TAFA2: variants seen among roughly 807,000 people sequenced by gnomAD.
TAFA2 encodes the protein chemokine-like protein TAFA-2.
Under a neutral mutation model 18.8 loss-of-function variants are expected in TAFA2, and 7 were observed. The ratio of observed to expected loss-of-function variants is 0.37; its 90% CI spans 0.21 to 0.70. TAFA2 has a LOEUF of 0.70. Among genes scored for constraint, TAFA2 ranks in the 30% least tolerant of loss-of-function variants. The pLI, the probability that TAFA2 is intolerant of heterozygous loss-of-function variation, is 0.53. For missense variants in TAFA2, 122 were observed against 158.1 expected, an observed-to-expected ratio of 0.77 and a Z score of 1.23; for synonymous variants, 60 against 54.2, an observed-to-expected ratio of 1.11 and a Z score of -0.47.
At chr12:62,110,414 A>T (rs905361524) in intron 1 of TAFA2, among the ~76,000 whole-genome samples, 15 of 152,108 alleles carry the variant, frequency 9.9e-5, no homozygotes, top group Non-Finnish European at 1.8e-4. Flanking sequence ...CTTGATGTTC[A>T]TCAGGGATAT....
At chr12:61,851,928 C>T (rs549228539) in intron 2 of TAFA2, among the ~76,000 whole-genome samples, 114 of 151,118 alleles carry the variant, frequency 7.5e-4, no homozygotes, top group Middle Eastern at 3.5e-3. Context: ...AAAAGACAAG[C>T]CGGGCACGGT....
chr12:62,101,269 T>C (rs1869188652), intron 1 of TAFA2, among the ~76,000 whole-genome samples: 1 of 152,154 alleles, frequency 6.6e-6, no homozygotes, highest in African/African-American at 2.4e-5. Flanking sequence ...ACATGACTAA[T>C]GGATTTAACC....
chr12:62,123,445 C>A (rs1870302294), intron 1 of TAFA2, among the ~76,000 whole-genome samples: 1 of 150,886 alleles, frequency 6.6e-6, no homozygotes, highest in Non-Finnish European at 1.5e-5. Context: ...ATATAAAAAT[C>A]ACAAGAAATG....
At chr12:62,219,196 A>T (rs1241343118) in intron 1 of TAFA2, among the ~76,000 whole-genome samples, 1 of 152,152 alleles carries the variant, frequency 6.6e-6, no homozygotes, top group Non-Finnish European at 1.5e-5. Context: ...AAAAAAACTT[A>T]GGTTAACATA....
chr12:62,023,358 T>C (rs1171342636), intron 1 of TAFA2, among the ~76,000 whole-genome samples: 1 of 152,196 alleles, frequency 6.6e-6, no homozygotes, highest in Non-Finnish European at 1.5e-5. Flanking sequence ...TTTATACATC[T>C]AAATATTTTT....
intron 1 of TAFA2, among the ~76,000 whole-genome samples, chr12:62,032,193 A>C (rs981207293): frequency 1.3e-5 from 2 of 152,198 alleles, no homozygotes; most frequent in Non-Finnish European, 2.9e-5. Context: ...AATTTTAACA[A>C]TAACATAATG....
upstream of TAFA2, chr12:62,259,449 G>T (rs1171104615): frequency 6.6e-6 from 1 of 152,200 alleles, no homozygotes; most frequent in Admixed American, 6.5e-5. Flanking sequence ...TGTATAGCAT[G>T]TGGGCTCTTG....
At chr12:62,108,831 G>A (rs1311928262) in intron 1 of TAFA2, among the ~76,000 whole-genome samples, 1 of 151,958 alleles carries the variant, frequency 6.6e-6, no homozygotes, top group Non-Finnish European at 1.5e-5. Context: ...TTTTGAAGGA[G>A]TTGTTTTTTT....
chr12:62,175,548 T>C (rs1407300610), intron 1 of TAFA2, among the ~76,000 whole-genome samples: 4 of 152,192 alleles, frequency 2.6e-5, no homozygotes, highest in Non-Finnish European at 5.9e-5. Context: ...TGTATAGCTA[T>C]AATAAGCTCC....
chr12:61,748,698 C>A (rs920623397), intron 4 of TAFA2, among the ~76,000 whole-genome samples: 5 of 152,032 alleles, frequency 3.3e-5, no homozygotes, highest in African/African-American at 1.2e-4. Flanking sequence ...GATGCTATTT[C>A]TTTTCTTCCT....
chr12:61,947,993 G>C (rs1393265740), intron 1 of TAFA2, among the ~76,000 whole-genome samples: 1 of 152,064 alleles, frequency 6.6e-6, no homozygotes, highest in African/African-American at 2.4e-5. Context: ...CAAACATCTG[G>C]AAAGAAGCCA....
intron 1 of TAFA2, among the ~76,000 whole-genome samples, chr12:61,988,764 C>A (rs1318620584): frequency 2.0e-5 from 3 of 152,170 alleles, no homozygotes; most frequent in Non-Finnish European, 4.4e-5. Flanking sequence ...CCCCTGCAAA[C>A]ATACTTCAGC....
At chr12:61,904,343 A>T (rs931817880) in intron 1 of TAFA2, among the ~76,000 whole-genome samples, 9 of 152,182 alleles carry the variant, frequency 5.9e-5, no homozygotes, top group African/African-American at 2.2e-4. Flanking sequence ...TGTATTTAAG[A>T]GGCAGAGTAG....
chr12:62,208,791 CACTT>C (rs750342878), intron 1 of TAFA2, among the ~76,000 whole-genome samples: 1 of 152,138 alleles, frequency 6.6e-6, no homozygotes, highest in Non-Finnish European at 1.5e-5. Flanking sequence ...AACTTTATCT[CACTT>C]AATTTATTGA....
chr12:61,840,933 A>C (rs929891690), intron 2 of TAFA2, among the ~76,000 whole-genome samples: 1 of 152,148 alleles, frequency 6.6e-6, no homozygotes, highest in African/African-American at 2.4e-5. Flanking sequence ...AGCAAGGTCA[A>C]CCATCAACAT....
chr12:62,026,291 T>C (rs907600763), intron 1 of TAFA2, among the ~76,000 whole-genome samples: 1 of 152,112 alleles, frequency 6.6e-6, no homozygotes, highest in African/African-American at 2.4e-5. Flanking sequence ...CCAGTCAGAG[T>C]CACGTAAAGA....
At chr12:62,072,959 G>A (rs141269449) in intron 1 of TAFA2, among the ~76,000 whole-genome samples, 210 of 152,232 alleles carry the variant, frequency 1.4e-3, no homozygotes, top group African/African-American at 5.0e-3. Context: ...TAAATGATAG[G>A]GGAAGCCCAT....
At chr12:61,716,256 A>G (rs1869654155) in intron 4 of TAFA2, among the ~76,000 whole-genome samples, 1 of 152,184 alleles carries the variant, frequency 6.6e-6, no homozygotes, top group South Asian at 2.1e-4. Context: ...CTGATACAGA[A>G]TTCCATTTTT....
intron 1 of TAFA2, among the ~76,000 whole-genome samples, chr12:62,144,574 C>A (rs1277704417): frequency 6.6e-6 from 1 of 152,212 alleles, no homozygotes. Flanking sequence ...GAAGCAGCCA[C>A]AGAGCAACTC....
Sources: gnomAD v4.1 joint callset for allele counts (sites outside exome capture counted in the v4.1 genomes callset) on GRCh38, gnomAD v4.1.1 for gene constraint, MANE v1.5 for transcripts, NCBI Gene and HGNC (gene_info 2026-07-23, HGNC 2026-07-21) for gene names.